GSG1: variants seen among roughly 807,000 people sequenced by gnomAD.
The protein encoded by GSG1 is germ cell associated 1, also known as germ cell-specific gene 1 protein.
GSG1 carries 28 observed loss-of-function variants against 30.8 expected under a neutral mutation model. The observed-to-expected ratio is 0.91, with a 90% CI of 0.67 to 1.25. The LOEUF is 1.25. Among genes scored for constraint, GSG1 ranks in the 50% most tolerant of loss-of-function variants. GSG1 has a pLI of 0.00. For missense variants in GSG1, 435 were observed against 444.7 expected (o/e 0.98, Z 0.20); for synonymous variants, 162 against 178.0 (o/e 0.91, Z 0.71).
In GSG1 at chr12:13,089,169, G is replaced by A. The variant is rs186108110; in HGVS notation, c.433+39C>T. 178 of 1,541,546 alleles carry A rather than the reference G, an allele frequency of 1.2e-4. No homozygotes were observed. The East Asian group carries it at 3.7e-3, about 32-fold the overall frequency. ...ACATAGCTTAGTGTTCCCATTTCCC[G>A]TGTCCAGAAGAGTTAATGATCTTAG... On this transcript the variant is annotated intron_variant, in intron 3 of 6. Coordinates refer to ENST00000651961, the MANE Select transcript of GSG1 (RefSeq NM_001080555.4).
rs764615913 is a variant in GSG1, at chr12:13,088,902, C to T, written c.441G>A (p.Arg147=). Residue 147 remains arginine (R), a synonymous_variant, in exon 4 of 7, where the codon AGG becomes AGA. Coordinates refer to ENST00000651961, the MANE Select transcript of GSG1 (RefSeq NM_001080555.4). Reference sequence around the variant, plus strand: ...GTGTAAGTTCAATGAAACTTCGGCACCTCTCCCCTGAAACATACAAGGTAC... The same window carrying T: ...GTGTAAGTTCAATGAAACTTCGGCATCTCTCCCCTGAAACATACAAGGTAC... ...SSGTAAAKGE[R]CRSFIELTPP... is the part of the protein sequence containing the mutation. The T allele has an allele frequency of 4.3e-6, 7 of 1,614,180 alleles. No homozygotes were observed. The highest frequency in any genetic ancestry group is 5.9e-6 in the Non-Finnish European group (7 of 1,180,026).
intron 1 of GSG1, among the ~76,000 whole-genome samples, chr12:13,102,215 C>T (rs1433812541): frequency 6.6e-6 from 1 of 152,162 alleles, no homozygotes; most frequent in Non-Finnish European, 1.5e-5. Context: ...GAGGACTGTT[C>T]GCCTGACTCA....
At chr12:13,092,446 C>T (rs1386830306) in intron 1 of GSG1, among the ~76,000 whole-genome samples, 2 of 152,152 alleles carry the variant, frequency 1.3e-5, no homozygotes, top group African/African-American at 4.8e-5. Flanking sequence ...TGAAGTCCTG[C>T]CCCTTCTGAG....
chr12:13,089,506 C>T lies in GSG1; in HGVS notation c.365-230G>A, dbSNP rs79656918. ...AGCTCATTCCTCCAAACCTGAGGAA[C>T]GCACATCGACCAGCACCTGCCTGCT... On this transcript the variant is annotated intron_variant, in intron 2 of 6. Transcript: ENST00000651961. 4.1e-4 allele frequency among the ~76,000 whole-genome samples: 63 copies of T among 152,254 alleles called. 1 individual carries two copies. In the East Asian group the frequency reaches 9.7e-3, roughly 23 times the overall value.
Position 13,088,006 on chromosome 12 carries a change from T to A in GSG1, c.535A>T (p.Ile179Phe). The change falls in exon 5 of 7, where the codon ATC becomes TTC. Residue 179 changes from isoleucine (I) to phenylalanine (F), a missense_variant. Ile to Phe is a conservative substitution (Grantham distance 21). Coordinates refer to ENST00000651961, the MANE Select transcript of GSG1 (RefSeq NM_001080555.4). ...TCTGTTAGTAGCAGGAGGAAGCTGATGAATTGAAGTCCGATGTAGGTGATC... is the reference window on the plus strand; with the variant it reads ...TCTGTTAGTAGCAGGAGGAAGCTGAAGAATTGAAGTCCGATGTAGGTGATC... ...TQITYIGLQF[I>F]SFLLLLTDLL... The A allele has an allele frequency of 1.2e-6, 2 of 1,614,244 alleles. No individual in the cohort carries two copies. Among genetic ancestry groups the A allele is most frequent in the Non-Finnish European group, 1.7e-6 (2 of 1,180,048 alleles).
At chr12:13,089,612 CCTGG>C (rs1360745936) in intron 2 of GSG1, among the ~76,000 whole-genome samples, 1 of 152,204 alleles carries the variant, frequency 6.6e-6, no homozygotes, top group Admixed American at 6.5e-5. Flanking sequence ...GATCAGTTAC[CCTGG>C]CTGGCTGGCT....
chr12:13,094,877 T>C (rs914607762), intron 1 of GSG1, among the ~76,000 whole-genome samples: 17 of 152,242 alleles, frequency 1.1e-4, no homozygotes, highest in African/African-American at 4.1e-4. Flanking sequence ...TCAAGTTATA[T>C]ATATTTGCAA....
At chr12:13,100,567 G>A (rs1333034387) in intron 1 of GSG1, among the ~76,000 whole-genome samples, 1 of 152,198 alleles carries the variant, frequency 6.6e-6, no homozygotes, top group Non-Finnish European at 1.5e-5. Context: ...CAAGCTGGGT[G>A]GACCCCTACT....
chr12:13,088,947 C>T (rs866712059), intron 3 of GSG1, 38 bp from the exon 4 acceptor site: 1 of 1,610,166 alleles, frequency 6.2e-7, no homozygotes, highest in African/African-American at 1.3e-5. Flanking sequence ...GAGCTACTCC[C>T]TGGGATGGTT....
At chr12:13,102,141 G>A (rs1369036397) in intron 1 of GSG1, among the ~76,000 whole-genome samples, 1 of 152,122 alleles carries the variant, frequency 6.6e-6, no homozygotes, top group Non-Finnish European at 1.5e-5. Context: ...GTTCCGATTC[G>A]GAGGGTTTGA....
rs575264715 is a variant in GSG1, at chr12:13,103,642, G to A, written c.-130C>T. The A allele has an allele frequency of 4.2e-5, 42 of 989,430 alleles. No individual in the cohort carries two copies. Among genetic ancestry groups the A allele is most frequent in the Non-Finnish European group, 5.7e-5 (36 of 634,542 alleles). The allele number at this position is 989,430 out of a possible 1,614,324, so 61.3% of individuals were successfully genotyped here. On this transcript the variant is annotated 5_prime_UTR_variant, in exon 1 of 7. Coordinates refer to ENST00000651961, the MANE Select transcript of GSG1 (RefSeq NM_001080555.4). ...CTTGCCAGCAGAGGGGTAAGGTGGT[G>A]TGTGGTGGATTGGAGAGGATGTCCT...
At chr12:13,090,106 C>T (rs575534604) in intron 2 of GSG1, among the ~76,000 whole-genome samples, 1 of 152,310 alleles carries the variant, frequency 6.6e-6, no homozygotes, top group South Asian at 2.1e-4. Context: ...AGAGCTAGGG[C>T]TTTCCTACAA....
chr12:13,095,817 T>A, intron 1 of GSG1: 1 of 1,472,382 alleles, frequency 6.8e-7, no homozygotes, highest in Non-Finnish European at 9.0e-7. Flanking sequence ...GACAAGGCAA[T>A]CAGGGCCCAG....
At chr12:13,095,835 G>T in intron 1 of GSG1, 1 of 1,436,712 alleles carries the variant, frequency 7.0e-7, no homozygotes, top group Non-Finnish European at 9.2e-7. Context: ...CAGCTGTTCT[G>T]GGAGATTACA....
chr12:13,089,098 CTCT>C, intron 3 of GSG1, 107 bp downstream of exon 3: 1 of 1,319,898 alleles, frequency 7.6e-7, no homozygotes, highest in South Asian at 1.3e-5. Context: ...GTGAATTTCT[CTCT>C]TCAGTCTCTG....
chr12:13,088,389 T>G (rs1480274934), intron 4 of GSG1, among the ~76,000 whole-genome samples: 1 of 152,152 alleles, frequency 6.6e-6, no homozygotes, highest in African/African-American at 2.4e-5. Flanking sequence ...TTTTCCTCAT[T>G]TAATTTTGGG....
Position 13,083,795 on chromosome 12 carries a change from T to C in GSG1, c.*1106A>G, listed in dbSNP as rs1222980145. The C allele has an allele frequency of 1.3e-5, 2 of 151,312 alleles. No homozygotes were observed. The highest frequency in any genetic ancestry group is 4.9e-5 in the African/African-American group (2 of 41,184). The allele number at this position is 151,312 out of a possible 1,614,324, so 9.4% of individuals were successfully genotyped here. A position where few individuals can be genotyped will look rare whatever the true frequency, so the allele number is the denominator to read the frequency against. On this transcript the variant is annotated 3_prime_UTR_variant, in exon 7 of 7. Coordinates refer to ENST00000651961, the MANE Select transcript of GSG1 (RefSeq NM_001080555.4). ...TGAGAATATGCAGTGTTTGGTTTTCTATCCTTGCGATAGTTTGCTCAGAAT... is the reference window on the plus strand; with the variant it reads ...TGAGAATATGCAGTGTTTGGTTTTCCATCCTTGCGATAGTTTGCTCAGAAT...
chr12:13,099,752 T>TTTTTTTG (rs1863031983), intron 1 of GSG1, among the ~76,000 whole-genome samples: 2 of 105,980 alleles, frequency 1.9e-5, no homozygotes, highest in African/African-American at 1.3e-4. Context: ...TTTTTTTTGT[T>TTTTTTTG]TTTTTTTTTT....
At position 13,090,671 on chromosome 12, in the gene GSG1, C is replaced by T; in HGVS notation, c.196G>A (p.Gly66Ser). 6.2e-7 allele frequency: 1 copy of T among 1,614,246 alleles called. No homozygotes were observed. The highest frequency in any genetic ancestry group is 8.5e-7 in the Non-Finnish European group (1 of 1,180,050). Reference protein sequence around the residue: ...QKVPKPLCEKGLAAKCFDMPV... With the variant: ...QKVPKPLCEKSLAAKCFDMPV... ...ATGTCAAAGCACTTGGCTGCCAGAC[C>T]TTTCTCGCACAGGGGCTTGGGCACC... Residue 66 changes from glycine (G) to serine (S), a missense_variant, in exon 2 of 7, where the codon GGT becomes AGT. By Grantham distance (56) the Gly-to-Ser change is moderately conservative (BLOSUM62 0). Coordinates refer to ENST00000651961, the MANE Select transcript of GSG1 (RefSeq NM_001080555.4).
Sources: allele counts gnomAD v4.1 joint callset (sites outside exome capture counted in the v4.1 genomes callset), GRCh38; gene constraint gnomAD v4.1.1; transcripts MANE v1.5; gene names NCBI Gene and HGNC (gene_info 2026-07-23, HGNC 2026-07-21).